PCDHGA9: variants seen among roughly 807,000 people sequenced by gnomAD.
PCDHGA9 encodes protocadherin gamma-A9.
In PCDHGA9, 37 loss-of-function variants were observed where a neutral mutation model predicts 62.5. That is an observed-to-expected ratio of 0.59 (90% CI 0.46 to 0.78). The LOEUF (loss-of-function observed/expected upper bound fraction) is 0.78, where lower values mean the gene tolerates loss of function less well. Ranked by LOEUF, PCDHGA9 falls within the 30% of genes least tolerant of loss-of-function variation. The probability of loss-of-function intolerance (pLI) is 0.00; values close to 1 mark genes in which losing one functional copy is unlikely to be tolerated. For synonymous variants in PCDHGA9, 459 were observed against 484.6 expected (o/e 0.95, Z 0.69); for missense variants, 1,138 against 1,166.2 (o/e 0.98, Z 0.35).
chr5:141,403,377 T>G lies in PCDHGA9; in HGVS notation c.425T>G (p.Ile142Ser). 6.2e-7 allele frequency: 1 copy of G among 1,614,016 alleles called. No homozygotes were observed. The highest frequency in any genetic ancestry group is 8.5e-7 in the Non-Finnish European group (1 of 1,179,900). Residue 142 changes from isoleucine (I) to serine (S), a missense_variant, in exon 1 of 4, where the codon ATT becomes AGT. Transcript: ENST00000573521. ...CAGGCCGAAAGTCTGGAAGTAAAAA[T>G]TAACGAAATCGCGGTTCCTGGAGCA... is the stretch of plus-strand genomic sequence containing the variant. ...KFQAESLEVK[I>S]NEIAVPGARY...
In PCDHGA9 at chr5:141,487,268, G is replaced by A; in HGVS notation, c.2425-7539G>A. ...CCTCTACTTGGCTGTGTCCCTAGTG[G>A]CAATTTGCTTTGTCTCCTTTGGCTC... On this transcript the variant is annotated intron_variant, in intron 1 of 3. Transcript: ENST00000573521. This position sits in a 1 kb window ranked among gnomAD's most constrained non-coding sequence, Gnocchi z 5.0. 4 of 1,614,100 alleles carry A rather than the reference G, an allele frequency of 2.5e-6. No homozygotes were observed. The South Asian group carries it at 4.4e-5, about 18-fold the overall frequency.
chr5:141,413,032 C>A, intron 1 of PCDHGA9: 1 of 766,948 alleles, frequency 1.3e-6, no homozygotes, highest in Non-Finnish European at 2.0e-6. Context: ...CACAAACCGG[C>A]TGCTGGGCTG....
chr5:141,495,469 C>G (rs1398171981), intron 2 of PCDHGA9, among the ~76,000 whole-genome samples: 1 of 152,220 alleles, frequency 6.6e-6, no homozygotes, highest in Non-Finnish European at 1.5e-5. Flanking sequence ...TGTGGGGTCT[C>G]CGTGTCTCTG....
At chr5:141,502,203 C>G (rs1562205141) in intron 2 of PCDHGA9, among the ~76,000 whole-genome samples, 1 of 152,122 alleles carries the variant, frequency 6.6e-6, no homozygotes. Context: ...ATAGAATCCA[C>G]CAGCAGATTT....
intron 3 of PCDHGA9, among the ~76,000 whole-genome samples, chr5:141,509,347 C>A (rs755234053): frequency 2.6e-5 from 4 of 152,142 alleles, no homozygotes; most frequent in Non-Finnish European, 5.9e-5. Context: ...CCTGGGCTGG[C>A]CTGGGCATCC....
chr5:141,472,733 C>T (rs1450872513), intron 1 of PCDHGA9, among the ~76,000 whole-genome samples: 2 of 151,996 alleles, frequency 1.3e-5, no homozygotes, highest in Non-Finnish European at 2.9e-5. Context: ...CACCTGTAAT[C>T]CCAGCACTTT....
intron 1 of PCDHGA9, among the ~76,000 whole-genome samples, chr5:141,472,102 T>C (rs1231168102): frequency 6.6e-6 from 1 of 152,240 alleles, no homozygotes; most frequent in Non-Finnish European, 1.5e-5. Flanking sequence ...ATTCCCATTT[T>C]ATACATAAAG....
In PCDHGA9 at chr5:141,403,207, C is replaced by G; in HGVS notation, c.255C>G (p.Val85=). 1 of 1,613,966 alleles carries G rather than the reference C, an allele frequency of 6.2e-7. No individual in the cohort carries two copies. The part of the protein sequence containing the change: ...FSLNPRSGTL[V]TAGRIDREEL... ...TGAACCCGCGCAGCGGCACCTTGGTCACCGCGGGTAGGATAGACCGGGAGG... is the reference window on the plus strand; with the variant it reads ...TGAACCCGCGCAGCGGCACCTTGGTGACCGCGGGTAGGATAGACCGGGAGG... Residue 85 remains valine, a synonymous_variant, in exon 1 of 4, where the codon GTC becomes GTG. Transcript: ENST00000573521.
intron 1 of PCDHGA9, chr5:141,418,133 C>T (rs758498780): frequency 2.5e-6 from 4 of 1,613,924 alleles, no homozygotes; most frequent in Non-Finnish European, 3.4e-6. Flanking sequence ...CCGAATAGAC[C>T]GTGAGCAAAT....
chr5:141,444,376 G>A (rs977995642), intron 1 of PCDHGA9, among the ~76,000 whole-genome samples: 1 of 151,796 alleles, frequency 6.6e-6, no homozygotes, highest in Non-Finnish European at 1.5e-5. Flanking sequence ...TCTCCATGTT[G>A]GTCAGGCTAG....
At chr5:141,435,994 G>T (rs1007093302) in intron 1 of PCDHGA9, among the ~76,000 whole-genome samples, 18 of 152,046 alleles carry the variant, frequency 1.2e-4, no homozygotes, top group Admixed American at 1.2e-3. Context: ...GTGATTTTTT[G>T]AAAGAAAGTA....
At chr5:141,429,378 T>TTTG (rs2097208019) in intron 1 of PCDHGA9, among the ~76,000 whole-genome samples, 1 of 105,336 alleles carries the variant, frequency 9.5e-6, no homozygotes, top group African/African-American at 5.2e-5. Flanking sequence ...AGAAAATGTG[T>TTTG]TTTTTTTTTA....
chr5:141,426,491 G>A, intron 1 of PCDHGA9: 1 of 336,822 alleles, frequency 3.0e-6, no homozygotes, highest in South Asian at 2.4e-5. Flanking sequence ...CTTAGAGTTA[G>A]TGCAGAGAAA....
intron 1 of PCDHGA9, chr5:141,416,401 T>C (rs2096020867): frequency 6.6e-6 from 1 of 152,204 alleles, no homozygotes; most frequent in African/African-American, 2.4e-5. Context: ...TGCTTTTGTC[T>C]TTTTTGTTAA....
At chr5:141,414,473 G>T (rs371832510) in intron 1 of PCDHGA9, 1 of 1,613,908 alleles carries the variant, frequency 6.2e-7, no homozygotes, top group Non-Finnish European at 8.5e-7. Flanking sequence ...GATGGGGGAA[G>T]TCCTCCTCTA....
At chr5:141,480,703 C>G (rs577131684) in intron 1 of PCDHGA9, among the ~76,000 whole-genome samples, 1 of 152,134 alleles carries the variant, frequency 6.6e-6, no homozygotes, top group African/African-American at 2.4e-5. Context: ...GGCCACACCC[C>G]GACAAATGAA....
intron 2 of PCDHGA9, among the ~76,000 whole-genome samples, chr5:141,497,894 A>AG (rs1562181617): frequency 2.0e-5 from 3 of 152,186 alleles, no homozygotes; most frequent in Admixed American, 6.5e-5. Context: ...GATCTAGTCC[A>AG]GTAACTTCAA....
chr5:141,432,945 G>A lies in PCDHGA9; in HGVS notation c.2424+27569G>A, dbSNP rs761055026. On this transcript the variant is annotated intron_variant, in intron 1 of 3. Transcript: ENST00000573521. This position sits in a 1 kb window ranked among gnomAD's most constrained non-coding sequence, Gnocchi z 6.0. ...AAGTCACGCCTGCTGCAGGCTTCAGGAGGCGGCTTGACAGGAGCGCCGGCG... is the reference window on the plus strand; with the variant it reads ...AAGTCACGCCTGCTGCAGGCTTCAGAAGGCGGCTTGACAGGAGCGCCGGCG... 3 of 1,614,218 alleles carry A rather than the reference G, an allele frequency of 1.9e-6. No individual in the cohort carries two copies. The highest frequency in any genetic ancestry group is 2.5e-6 in the Non-Finnish European group (3 of 1,180,058).
rs779191558 is a variant in PCDHGA9 at position 141,491,465 on chromosome 5, A to G, written c.2425-3342A>G. On this transcript the variant is annotated intron_variant, in intron 1 of 3. Coordinates refer to ENST00000573521, the MANE Select transcript of PCDHGA9 (RefSeq NM_018921.3). This position sits in a 1 kb window ranked among gnomAD's most constrained non-coding sequence, Gnocchi z 6.9. The stretch of plus-strand genomic sequence containing the variant: ...CAGGACTCACCCTCCCCGGACTTCT[A>G]TAAGCAGTCCAGCCCCAACCTGCAG... 1.2e-6 allele frequency: 2 copies of G among 1,613,974 alleles called. No homozygotes were observed. The highest frequency in any genetic ancestry group is 1.1e-5 in the South Asian group (1 of 91,084).
Sources: allele counts gnomAD v4.1 joint callset (sites outside exome capture counted in the v4.1 genomes callset), GRCh38; gene constraint gnomAD v4.1.1; non-coding constraint Gnocchi (gnomAD v3.1); transcripts MANE v1.5; gene names NCBI Gene and HGNC (gene_info 2026-07-23, HGNC 2026-07-21).